VPS41: variants seen among roughly 807,000 people sequenced by gnomAD.
VPS41 encodes the protein vacuolar protein sorting-associated protein 41 homolog.
Under a neutral mutation model 130.9 loss-of-function variants are expected in VPS41, and 85 were observed. That is an observed-to-expected ratio of 0.65 (90% CI 0.55 to 0.78). The LOEUF (loss-of-function observed/expected upper bound fraction) is 0.78. Ranked by LOEUF, VPS41 falls within the 30% of genes least tolerant of loss-of-function variation. The pLI, the probability that VPS41 is intolerant of heterozygous loss-of-function variation, is 0.00. For missense variants in VPS41, 874 were observed against 1,018.7 expected (o/e 0.86, Z 1.93); for synonymous variants, 335 against 332.9 (o/e 1.01, Z -0.07).
chr7:38,817,808 A>T lies in VPS41; in HGVS notation c.450+9T>A, dbSNP rs763352946. On this transcript the variant is annotated intron_variant, in intron 7 of 28. Coordinates refer to ENST00000310301, the MANE Select transcript of VPS41 (RefSeq NM_014396.4). ...GCTACATATCAAGGTAGAGACACAC[A>T]GCACTTACCTTCTTCCCTCCGGTCA... The T allele has an allele frequency of 1.2e-6, 2 of 1,611,628 alleles. No individual in the cohort carries two copies. Among genetic ancestry groups the T allele is most frequent in the South Asian group, 2.2e-5 (2 of 91,008 alleles).
chr7:38,856,199 C>G (rs939719464), intron 4 of VPS41, among the ~76,000 whole-genome samples: 1 of 152,120 alleles, frequency 6.6e-6, no homozygotes, highest in African/African-American at 2.4e-5. Context: ...CTCTGTCAAC[C>G]AGGCTAGAGA....
rs201697092 is a variant in VPS41, at chr7:38,829,506, TTAAA to T, written c.321+744_321+747del. Among the ~76,000 whole-genome samples, 673 of 152,286 alleles carry T rather than the reference TTAAA, an allele frequency of 4.4e-3. 6 individuals carry two copies. Among genetic ancestry groups the T allele is most frequent in the African/African-American group, 0.015 (637 of 41,566 alleles). ...CAAACTGTTATTTTAGAAAAGTAGC[TTAAA>T]TACACTGTGCATTAGGATTTTATCA... On this transcript the variant is annotated intron_variant, in intron 5 of 28. Transcript: ENST00000310301.
chr7:38,772,694 ATGG>A (rs994408893), intron 12 of VPS41, 57 bp from the exon 13 acceptor site: 8 of 1,253,478 alleles, frequency 6.4e-6, no homozygotes, highest in Non-Finnish European at 9.3e-6. Context: ...AAACTTGGCA[ATGG>A]TTTCAGAGGA....
chr7:38,843,693 CA>C (rs950688213), intron 4 of VPS41, among the ~76,000 whole-genome samples: 19 of 138,430 alleles, frequency 1.4e-4, no homozygotes, highest in East Asian at 6.3e-4. Flanking sequence ...AAAAAAAAAA[CA>C]AAAAAAAAAA....
intron 5 of VPS41, among the ~76,000 whole-genome samples, chr7:38,826,046 T>C (rs552919911): frequency 6.6e-6 from 1 of 152,254 alleles, no homozygotes; most frequent in African/African-American, 2.4e-5. Context: ...ATACCTCCAG[T>C]GGTAGCTAAA....
In VPS41 at chr7:38,723,435, GC is replaced by G. The variant is rs1411146209; in HGVS notation, c.*2810del. On this transcript the variant is annotated 3_prime_UTR_variant, in exon 29 of 29. Coordinates refer to ENST00000310301, the MANE Select transcript of VPS41 (RefSeq NM_014396.4). Reference sequence around the variant, plus strand: ...CTGGCTGTTTTACACTTCAAGAATAGCTTTCTTGGCTGGGCATGGTGACTTA... The same window carrying G: ...CTGGCTGTTTTACACTTCAAGAATAGTTTCTTGGCTGGGCATGGTGACTTA... 1 of 152,086 alleles carries G rather than the reference GC, an allele frequency of 6.6e-6. No individual in the cohort carries two copies. The highest frequency in any genetic ancestry group is 1.5e-5 in the Non-Finnish European group (1 of 68,016). 9.4% of individuals were successfully genotyped at this position (152,086 alleles called of 1,614,324 possible). A position where few individuals can be genotyped will look rare whatever the true frequency, so the allele number is the denominator to read the frequency against.
rs1784029537 is a variant in VPS41 at position 38,765,804 on chromosome 7, A to G, written c.1248-143T>C. The G allele has an allele frequency of 5.3e-6, 3 of 561,274 alleles. No individual in the cohort carries two copies. The South Asian group carries it at 7.8e-5, about 15-fold the overall frequency. 34.8% of individuals were successfully genotyped at this position (561,274 alleles called of 1,614,324 possible). A position where few individuals can be genotyped will look rare whatever the true frequency, so the allele number is the denominator to read the frequency against. ...GTTTTGATGAATTTCTATCTCAAGTACCAACGAACATAAAGATATTACTGT... is the reference window on the plus strand; with the variant it reads ...GTTTTGATGAATTTCTATCTCAAGTGCCAACGAACATAAAGATATTACTGT... On this transcript the variant is annotated intron_variant, in intron 15 of 28. Coordinates refer to ENST00000310301, the MANE Select transcript of VPS41 (RefSeq NM_014396.4).
intron 25 of VPS41, among the ~76,000 whole-genome samples, chr7:38,732,133 T>C (rs1351919782): frequency 6.6e-6 from 1 of 152,184 alleles, no homozygotes; most frequent in African/African-American, 2.4e-5. Flanking sequence ...AGTGTGGATG[T>C]AAAGCCTAGT....
chr7:38,796,844 A>C lies in VPS41; in HGVS notation c.471T>G (p.Ser157=), dbSNP rs1438150372. The change falls in exon 8 of 29, where the codon TCT becomes TCG. Residue 157 remains serine (S), a synonymous_variant. Transcript: ENST00000310301. ...GGKKLLLFER[S]WMNRWKSAVL... ...CAGCAGACTTCCATCTGTTCATCCA[A>C]GACCGTTCAAACAGTAGCAGCTAGG... 6.2e-7 allele frequency: 1 copy of C among 1,613,950 alleles called. No homozygotes were observed. The highest frequency in any genetic ancestry group is 2.2e-5 in the East Asian group (1 of 44,870).
intron 2 of VPS41, among the ~76,000 whole-genome samples, chr7:38,875,495 T>C (rs1388348555): frequency 6.6e-6 from 1 of 152,216 alleles, no homozygotes; most frequent in Non-Finnish European, 1.5e-5. Flanking sequence ...CTATTAATAC[T>C]GTATGCTATA....
chr7:38,866,839 T>C lies in VPS41; in HGVS notation c.168+2307A>G, dbSNP rs1392762773. Among the ~76,000 whole-genome samples, 8 of 152,058 alleles carry C rather than the reference T, an allele frequency of 5.3e-5. No individual in the cohort carries two copies. The South Asian group carries it at 6.2e-4, about 12-fold the overall frequency. ...AGAAAGGAATGTCACAAATGATCAA[T>C]AGGAAAAGAATGGTGTCACGATAAA... is the stretch of plus-strand genomic sequence containing the variant. On this transcript the variant is annotated intron_variant, in intron 3 of 28. Transcript: ENST00000310301.
intron 5 of VPS41, among the ~76,000 whole-genome samples, chr7:38,822,654 G>A (rs1232528629): frequency 6.6e-6 from 1 of 152,086 alleles, no homozygotes; most frequent in African/African-American, 2.4e-5. Flanking sequence ...CAAATCTTTT[G>A]GTGGACTTAT....
chr7:38,763,663 T>C lies in VPS41; in HGVS notation c.1330-116A>G, dbSNP rs1224729573. 4 of 567,462 alleles carry C rather than the reference T, an allele frequency of 7.0e-6. No homozygotes were observed. The South Asian group carries it at 9.7e-5, about 14-fold the overall frequency. 35.2% of individuals were successfully genotyped at this position (567,462 alleles called of 1,614,324 possible). On this transcript the variant is annotated intron_variant, in intron 16 of 28. Coordinates refer to ENST00000310301, the MANE Select transcript of VPS41 (RefSeq NM_014396.4). Reference sequence around the variant, plus strand: ...ACTTTAAAAATGTGAGGGAATACAGTACTCTGAAAAAAATGTTTTGAACAG... The same window carrying C: ...ACTTTAAAAATGTGAGGGAATACAGCACTCTGAAAAAAATGTTTTGAACAG...
rs1192989622 is a variant in VPS41, at chr7:38,724,594, C to CTT, written c.*1650_*1651dup. 1.5e-5 allele frequency: 2 copies of CTT among 129,766 alleles called. No individual in the cohort carries two copies. Among genetic ancestry groups the CTT allele is most frequent in the Non-Finnish European group, 3.1e-5 (2 of 64,596 alleles). 8.0% of individuals were successfully genotyped at this position (129,766 alleles called of 1,614,324 possible). A position where few individuals can be genotyped will look rare whatever the true frequency, so the allele number is the denominator to read the frequency against. On this transcript the variant is annotated 3_prime_UTR_variant, in exon 29 of 29. Coordinates refer to ENST00000310301, the MANE Select transcript of VPS41 (RefSeq NM_014396.4). ...TGAACTTGGCCCTATGATTTCTTTT[C>CTT]TTTTCTTTTCTTTTTTGAGACGGAG...
At chr7:38,905,653 G>A (rs998636038) in intron 1 of VPS41, among the ~76,000 whole-genome samples, 4 of 152,216 alleles carry the variant, frequency 2.6e-5, no homozygotes, top group Non-Finnish European at 5.9e-5. Flanking sequence ...GAAAGATAAT[G>A]TGGAGACATT....
At chr7:38,846,875 G>A (rs1157673445) in intron 4 of VPS41, among the ~76,000 whole-genome samples, 2 of 152,142 alleles carry the variant, frequency 1.3e-5, no homozygotes, top group African/African-American at 4.8e-5. Flanking sequence ...TCACAGAGAT[G>A]GAAGAAAACA....
chr7:38,744,054 T>C (rs1407988507), intron 23 of VPS41, among the ~76,000 whole-genome samples: 2 of 152,204 alleles, frequency 1.3e-5, no homozygotes, highest in Admixed American at 6.5e-5. Flanking sequence ...TGATACACTT[T>C]GTGCCAACTG....
Position 38,776,779 on chromosome 7 carries a change from G to A in VPS41, c.785-3C>T, listed in dbSNP as rs1784268186. On this transcript the variant is annotated splice_region_variant and splice_polypyrimidine_tract_variant and intron_variant, in intron 10 of 28. Coordinates refer to ENST00000310301, the MANE Select transcript of VPS41 (RefSeq NM_014396.4). ...GAATTCAGTTTCAAACTGAGACACT[G>A]CAAACAAAAGGGATACAGGAGTCAT... 6.4e-7 allele frequency: 1 copy of A among 1,563,022 alleles called. No individual in the cohort carries two copies. The highest frequency in any genetic ancestry group is 8.8e-7 in the Non-Finnish European group (1 of 1,134,294).
At chr7:38,840,035 T>G (rs1785577747) in intron 4 of VPS41, among the ~76,000 whole-genome samples, 1 of 152,212 alleles carries the variant, frequency 6.6e-6, no homozygotes, top group Admixed American at 6.5e-5. Flanking sequence ...GCATGGCAGC[T>G]GGCTGCTGTC....
Sources: allele counts gnomAD v4.1 joint callset (sites outside exome capture counted in the v4.1 genomes callset), GRCh38; gene constraint gnomAD v4.1.1; transcripts MANE v1.5; gene names NCBI Gene and HGNC (gene_info 2026-07-23, HGNC 2026-07-21).